The following IFT88 variants were observed in gnomAD, a reference collection of about 807,000 sequenced individuals.
IFT88 encodes the protein intraflagellar transport 88.
In IFT88, 74 loss-of-function variants were observed where a neutral mutation model predicts 119.5. The observed-to-expected ratio is 0.62, with a 90% CI of 0.51 to 0.75. The LOEUF (loss-of-function observed/expected upper bound fraction) is 0.75. Ranked by LOEUF, IFT88 falls within the 30% of genes least tolerant of loss-of-function variation. The pLI, the probability that IFT88 is intolerant of heterozygous loss-of-function variation, is 0.00. For synonymous variants in IFT88, 279 were observed against 316.7 expected (o/e 0.88, Z 1.26); for missense variants, 961 against 977.7 (o/e 0.98, Z 0.23).
At chr13:20,646,589 AT>A (rs1474887522) in intron 20 of IFT88, among the ~76,000 whole-genome samples, 2 of 152,050 alleles carry the variant, frequency 1.3e-5, no homozygotes, top group Non-Finnish European at 2.9e-5. Context: ...AAGTGCTGGG[AT>A]TACAGGCGTG....
chr13:20,568,659 T>A (rs920416496), intron 1 of IFT88, among the ~76,000 whole-genome samples: 1 of 152,252 alleles, frequency 6.6e-6, no homozygotes, highest in African/African-American at 2.4e-5. Flanking sequence ...TTTAGTATTA[T>A]CTGAGCTAAA....
At chr13:20,626,667 C>A (rs1357914098) in intron 15 of IFT88, among the ~76,000 whole-genome samples, 1 of 152,182 alleles carries the variant, frequency 6.6e-6, no homozygotes, top group Non-Finnish European at 1.5e-5. Context: ...CACTGCTGCT[C>A]TCTTGCTAGC....
Position 20,686,815 on chromosome 13 carries a change from C to T in IFT88, c.2243-3890C>T, listed in dbSNP as rs2057963274. ...AGTAAAGACTGTCTTTCCTTGGAAA[C>T]AATTCATTTTTATTTGGAGAGAAAT... is the stretch of plus-strand genomic sequence containing the variant. On this transcript the variant is annotated intron_variant, in intron 24 of 25. Coordinates refer to ENST00000351808, the MANE Select transcript of IFT88 (RefSeq NM_006531.5). 2.6e-5 allele frequency among the ~76,000 whole-genome samples: 4 copies of T among 151,986 alleles called. No homozygotes were observed. In the South Asian group the frequency reaches 8.3e-4, roughly 32 times the overall value.
At chr13:20,589,944 TTATTA>T (rs1247341416) in intron 4 of IFT88, 77 bp downstream of exon 4, 16 of 778,172 alleles carry the variant, frequency 2.1e-5, no homozygotes, top group Non-Finnish European at 3.5e-5. Context: ...CTGAATAATT[TTATTA>T]TATCTTAGGT....
At chr13:20,584,011 A>G (rs972868242) in intron 3 of IFT88, among the ~76,000 whole-genome samples, 2 of 152,134 alleles carry the variant, frequency 1.3e-5, no homozygotes, top group Admixed American at 6.6e-5. Context: ...GCCAGTAACC[A>G]CACTGTTTTG....
At chr13:20,666,950 A>G (rs1010754518) in intron 23 of IFT88, among the ~76,000 whole-genome samples, 2 of 152,186 alleles carry the variant, frequency 1.3e-5, no homozygotes, top group Admixed American at 1.3e-4. Flanking sequence ...TTTTTTTAAA[A>G]CACAAATGAG....
At chr13:20,587,740 GTC>G (rs1215294121) in intron 3 of IFT88, among the ~76,000 whole-genome samples, 3 of 151,900 alleles carry the variant, frequency 2.0e-5, no homozygotes, top group Non-Finnish European at 4.4e-5. Context: ...AATGCTTTTT[GTC>G]TGTTTGTAAG....
chr13:20,600,877 G>C (rs1327675922), intron 11 of IFT88, among the ~76,000 whole-genome samples: 1 of 152,116 alleles, frequency 6.6e-6, no homozygotes, highest in South Asian at 2.1e-4. Context: ...TACCAAGTAG[G>C]CAATGTATAA....
At chr13:20,651,968 C>G (rs1344326499) in intron 20 of IFT88, among the ~76,000 whole-genome samples, 3 of 152,064 alleles carry the variant, frequency 2.0e-5, no homozygotes, top group Non-Finnish European at 4.4e-5. Flanking sequence ...TGAAAGAAGC[C>G]AGACACAAAA....
intron 13 of IFT88, among the ~76,000 whole-genome samples, chr13:20,613,775 G>C (rs1276712848): frequency 6.6e-6 from 1 of 151,918 alleles, no homozygotes; most frequent in Non-Finnish European, 1.5e-5. Flanking sequence ...GATACGTGCT[G>C]TTAGGTTGGT....
chr13:20,597,422 C>T lies in IFT88; in HGVS notation c.594+303C>T, dbSNP rs1039067251. ...CTCAGAAGTTTGCGACCAGCCTGGG[C>T]AACATAGTGAGACCTCGTCTCTATT... On this transcript the variant is annotated intron_variant, in intron 9 of 25. Transcript: ENST00000351808. Among the ~76,000 whole-genome samples, 4 of 152,174 alleles carry T rather than the reference C, an allele frequency of 2.6e-5. 1 individual carries two copies. The Middle Eastern group carries it at 0.01, about 388-fold the overall frequency.
In IFT88 at chr13:20,615,842, C is replaced by T. The variant is rs1255279844; in HGVS notation, c.1162C>T (p.Pro388Ser). Residue 388 changes from proline to serine, a missense_variant, in exon 14 of 26, where the codon CCT becomes TCT. By Grantham distance (74) the Pro-to-Ser change is moderately conservative (BLOSUM62 -1). Transcript: ENST00000351808. ...YIMTSAKLIA[P>S]VIETSFAAGY... ...TATGACATCTGCAAAACTCATTGCT[C>T]CTGTAATTGAAACATCTTTTGCTGC... is the stretch of plus-strand genomic sequence containing the variant. 1.9e-6 allele frequency: 3 copies of T among 1,608,198 alleles called. No homozygotes were observed. Among genetic ancestry groups the T allele is most frequent in the South Asian group, 1.1e-5 (1 of 90,116 alleles).
chr13:20,629,166 AT>A (rs1265102348), intron 15 of IFT88, among the ~76,000 whole-genome samples: 1 of 152,196 alleles, frequency 6.6e-6, no homozygotes, highest in Non-Finnish European at 1.5e-5. Context: ...GTAATACACC[AT>A]TTATTATGAC....
At chr13:20,581,700 A>C (rs992934690) in intron 2 of IFT88, among the ~76,000 whole-genome samples, 1 of 152,020 alleles carries the variant, frequency 6.6e-6, no homozygotes, top group African/African-American at 2.4e-5. Flanking sequence ...AAAAAATACA[A>C]AAATTAGCAG....
chr13:20,674,177 C>T (rs943431991), intron 24 of IFT88, among the ~76,000 whole-genome samples: 4 of 152,164 alleles, frequency 2.6e-5, no homozygotes, highest in Admixed American at 2.6e-4. Flanking sequence ...GCTGTGAAGT[C>T]GGAACAAACC....
At chr13:20,580,817 C>T (rs1344945583) in intron 2 of IFT88, among the ~76,000 whole-genome samples, 5 of 151,304 alleles carry the variant, frequency 3.3e-5, no homozygotes, top group African/African-American at 1.2e-4. Flanking sequence ...GCTCCGCCTC[C>T]CAGGTTCATG....
chr13:20,660,327 G>A (rs970793304), intron 22 of IFT88, among the ~76,000 whole-genome samples: 10 of 152,344 alleles, frequency 6.6e-5, no homozygotes, highest in African/African-American at 2.4e-4. Context: ...GAGAGGCAGA[G>A]TGGGTGGGCC....
chr13:20,619,513 CTG>C (rs1269550089), intron 14 of IFT88, among the ~76,000 whole-genome samples: 7 of 152,086 alleles, frequency 4.6e-5, no homozygotes, highest in East Asian at 1.9e-4. Context: ...TTCTTTTACT[CTG>C]TGTTTGTTAG....
chr13:20,637,125 A>G (rs1202217573), intron 16 of IFT88, among the ~76,000 whole-genome samples: 1 of 152,176 alleles, frequency 6.6e-6, no homozygotes, highest in Non-Finnish European at 1.5e-5. Flanking sequence ...AGTGGTTGCC[A>G]GGGGCTGGGG....
Sources: gnomAD v4.1 joint callset for allele counts (sites outside exome capture counted in the v4.1 genomes callset) on GRCh38, gnomAD v4.1.1 for gene constraint, MANE v1.5 for transcripts, NCBI Gene and HGNC (gene_info 2026-07-23, HGNC 2026-07-21) for gene names.